DIP2B: variants seen among roughly 807,000 people sequenced by gnomAD.
The protein encoded by DIP2B is disco-interacting protein 2 homolog B.
A neutral mutation model predicts 198.0 loss-of-function variants in DIP2B; 76 were observed. That is an observed-to-expected ratio of 0.38 (90% confidence interval 0.32 to 0.46). The LOEUF (loss-of-function observed/expected upper bound fraction) is 0.46, where lower values mean the gene tolerates loss of function less well. Ranked by LOEUF, DIP2B falls within the 20% of genes least tolerant of loss-of-function variation. The pLI, the probability that DIP2B is intolerant of heterozygous loss-of-function variation, is 0.99. For synonymous variants in DIP2B, 701 were observed against 739.1 expected, an observed-to-expected ratio of 0.95 and a Z score of 0.84; for missense variants, 1,559 against 1,978.4, an observed-to-expected ratio of 0.79 and a Z score of 4.02.
rs11169522 is a variant in DIP2B, at chr12:50,683,517, C to G, written c.1317+269C>G. Among the ~76,000 whole-genome samples, 648 of 152,302 alleles carry G rather than the reference C, an allele frequency of 4.3e-3. 3 individuals are homozygous for G. Among genetic ancestry groups the G allele is most frequent in the Non-Finnish European group, 7.3e-3 (496 of 68,016 alleles). ...TGGGGCGAGGCCGGGCGCAGTGGCTCACGCCTGTAATCACAGCACTTTGGG... is the reference window on the plus strand; with the variant it reads ...TGGGGCGAGGCCGGGCGCAGTGGCTGACGCCTGTAATCACAGCACTTTGGG... On this transcript the variant is annotated intron_variant, in intron 10 of 37. Transcript: ENST00000301180.
chr12:50,636,020 TG>T (rs1458600767), intron 2 of DIP2B, among the ~76,000 whole-genome samples: 3 of 152,222 alleles, frequency 2.0e-5, no homozygotes, highest in Admixed American at 6.5e-5. Flanking sequence ...GACCAGCCTC[TG>T]ACCTCAAGTT....
intron 1 of DIP2B, among the ~76,000 whole-genome samples, chr12:50,610,895 G>A (rs897734664): frequency 2.0e-5 from 3 of 150,252 alleles, no homozygotes; most frequent in Non-Finnish European, 2.9e-5. Context: ...CTCTGCCTCC[G>A]TTCAAGCAGT....
intron 6 of DIP2B, 87 bp downstream of exon 6, chr12:50,674,716 G>A (rs1467842222): frequency 1.3e-6 from 2 of 1,521,898 alleles, no homozygotes; most frequent in Non-Finnish European, 1.8e-6. Context: ...AACTAGCCCA[G>A]CAGCTGCAGA....
chr12:50,707,114 T>G (rs1939528086), intron 21 of DIP2B, among the ~76,000 whole-genome samples: 1 of 152,220 alleles, frequency 6.6e-6, no homozygotes, highest in Non-Finnish European at 1.5e-5. Context: ...ACATAGTGCA[T>G]AATTTCAAAT....
intron 3 of DIP2B, 92 bp downstream of exon 3, chr12:50,640,944 T>G (rs1938246235): frequency 6.8e-7 from 1 of 1,463,352 alleles, no homozygotes; most frequent in Non-Finnish European, 9.1e-7. Context: ...TTGTCTTTTT[T>G]TTCCCTATGA....
At chr12:50,742,412 A>AAAAAAAC (rs1940264802) in intron 37 of DIP2B, among the ~76,000 whole-genome samples, 1 of 146,554 alleles carries the variant, frequency 6.8e-6, no homozygotes, top group African/African-American at 2.5e-5. Context: ...AAAAAAAAAA[A>AAAAAAAC]AAAAAAAAAA....
intron 1 of DIP2B, among the ~76,000 whole-genome samples, chr12:50,540,177 C>G (rs1366265892): frequency 6.4e-5 from 9 of 139,826 alleles, no homozygotes; most frequent in Admixed American, 5.6e-4. Flanking sequence ...GGCGTGATCT[C>G]GGCTCATTGC....
rs531369513 is a variant in DIP2B, at chr12:50,519,813, T to TC, written c.100+14573_100+14574insC. On this transcript the variant is annotated intron_variant, in intron 1 of 37. Coordinates refer to ENST00000301180, the MANE Select transcript of DIP2B (RefSeq NM_173602.3). ...TTAATTGGTTTTTCTTGGAGGTTTT[T>TC]TTTTTTGTGGTGAAGAAATAGTGCT... Among the ~76,000 whole-genome samples, 719 of 151,870 alleles carry TC rather than the reference T, an allele frequency of 4.7e-3. 8 individuals carry two copies. Among genetic ancestry groups the TC allele is most frequent in the African/African-American group, 0.016 (680 of 41,464 alleles).
chr12:50,678,574 C>A, intron 7 of DIP2B, 105 bp from the exon 8 acceptor site: 1 of 1,243,924 alleles, frequency 8.0e-7, no homozygotes, highest in South Asian at 1.5e-5. Flanking sequence ...GAGTTTAAAC[C>A]AGGTAAATAT....
intron 1 of DIP2B, among the ~76,000 whole-genome samples, chr12:50,617,825 A>T (rs1191478422): frequency 2.0e-5 from 3 of 152,282 alleles, no homozygotes; most frequent in South Asian, 4.1e-4. Context: ...ATAAAAGATG[A>T]AGGAGATTAA....
Position 50,607,596 on chromosome 12 carries a change from C to T in DIP2B, c.101-18380C>T, listed in dbSNP as rs180877450. ...TATATTCAGTGGTTTTAAGATCTTT[C>T]GGCTAAGGTCAGGGTTTTTGTTCAA... is the stretch of plus-strand genomic sequence containing the variant. On this transcript the variant is annotated intron_variant, in intron 1 of 37. Transcript: ENST00000301180. 1.3e-4 allele frequency among the ~76,000 whole-genome samples: 20 copies of T among 152,226 alleles called. 1 individual carries two copies. Among genetic ancestry groups the T allele is most frequent in the African/African-American group, 4.1e-4 (17 of 41,528 alleles).
chr12:50,722,590 G>T (rs1276430326), intron 26 of DIP2B, among the ~76,000 whole-genome samples: 1 of 152,106 alleles, frequency 6.6e-6, no homozygotes, highest in African/African-American at 2.4e-5. Context: ...TATTTACCTA[G>T]ATACTGAGAT....
At chr12:50,684,081 C>T (rs931832546) in intron 10 of DIP2B, among the ~76,000 whole-genome samples, 5 of 152,294 alleles carry the variant, frequency 3.3e-5, no homozygotes, top group African/African-American at 1.2e-4. Context: ...CCACTGCACT[C>T]CAGCCTGGGC....
intron 10 of DIP2B, 56 bp downstream of exon 10, chr12:50,683,304 G>A: frequency 1.4e-6 from 2 of 1,421,836 alleles, no homozygotes; most frequent in East Asian, 2.4e-5. Context: ...CAGGCATTGG[G>A]TTCTTGGATA....
Position 50,590,601 on chromosome 12 carries a change from C to T in DIP2B, c.101-35375C>T, listed in dbSNP as rs145383025. 4.7e-3 allele frequency among the ~76,000 whole-genome samples: 719 copies of T among 152,226 alleles called. 8 individuals are homozygous for T. The highest frequency in any genetic ancestry group is 0.016 in the African/African-American group (680 of 41,530). ...GCCAGGCTGGTCTCGAACTCTTGACCTTGTGATCTACCCACCTCGGCCTCT... is the reference window on the plus strand; with the variant it reads ...GCCAGGCTGGTCTCGAACTCTTGACTTTGTGATCTACCCACCTCGGCCTCT... On this transcript the variant is annotated intron_variant, in intron 1 of 37. Coordinates refer to ENST00000301180, the MANE Select transcript of DIP2B (RefSeq NM_173602.3).
chr12:50,509,763 C>T (rs1162037260), intron 1 of DIP2B, among the ~76,000 whole-genome samples: 1 of 152,114 alleles, frequency 6.6e-6, no homozygotes, highest in East Asian at 1.9e-4. Flanking sequence ...TGGTAAATTC[C>T]TCCTGCTTTA....
intron 18 of DIP2B, 57 bp downstream of exon 18, chr12:50,698,524 A>G: frequency 6.4e-7 from 1 of 1,571,614 alleles, no homozygotes; most frequent in Non-Finnish European, 8.6e-7. Flanking sequence ...CAGAGATAAT[A>G]GAGCCTGATA....
At chr12:50,565,011 A>ATT (rs547239724) in intron 1 of DIP2B, among the ~76,000 whole-genome samples, 2 of 148,532 alleles carry the variant, frequency 1.3e-5, no homozygotes, top group African/African-American at 4.9e-5. Context: ...TGGTGCCACT[A>ATT]TTTTTTTTTT....
chr12:50,721,777 C>T (rs1438465031), intron 26 of DIP2B, among the ~76,000 whole-genome samples: 3 of 152,102 alleles, frequency 2.0e-5, no homozygotes, highest in South Asian at 2.1e-4. Flanking sequence ...AAATGTTGTG[C>T]GTGAATTCTG....
Sources: gnomAD v4.1 joint callset for allele counts (sites outside exome capture counted in the v4.1 genomes callset) on GRCh38, gnomAD v4.1.1 for gene constraint, MANE v1.5 for transcripts, NCBI Gene and HGNC (gene_info 2026-07-23, HGNC 2026-07-21) for gene names.